TTC6: variants seen among roughly 807,000 people sequenced by gnomAD.
The protein encoded by TTC6 is tetratricopeptide repeat domain 6, also known as tetratricopeptide repeat protein 6.
A neutral mutation model predicts 210.4 loss-of-function variants in TTC6; 172 were observed. That is an observed-to-expected ratio of 0.82 (90% CI 0.72 to 0.93). TTC6 has a LOEUF of 0.93. Ranked by LOEUF, TTC6 falls within the 40% of genes least tolerant of loss-of-function variation. The pLI is 0.00. For synonymous variants in TTC6, 804 were observed against 819.6 expected (o/e 0.98, Z 0.32); for missense variants, 2,414 against 2,318.1 (o/e 1.04, Z -0.85).
intron 1 of TTC6, among the ~76,000 whole-genome samples, chr14:37,635,994 A>G (rs1003900764): frequency 3.3e-5 from 5 of 150,632 alleles, no homozygotes; most frequent in Admixed American, 1.3e-4. Context: ...AAAAAAAAAA[A>G]AAAAAAGAAA....
intron 29 of TTC6, among the ~76,000 whole-genome samples, chr14:37,831,389 A>T (rs2096184728): frequency 6.6e-6 from 1 of 152,222 alleles, no homozygotes; most frequent in East Asian, 1.9e-4. Context: ...CAAACCTGGG[A>T]GTGCAAATAT....
At chr14:37,638,351 T>C (rs1476443315) in intron 1 of TTC6, among the ~76,000 whole-genome samples, 1 of 152,224 alleles carries the variant, frequency 6.6e-6, no homozygotes, top group African/African-American at 2.4e-5. Flanking sequence ...GCCTCCTGGG[T>C]TCACGAGGTT....
chr14:37,786,089 T>A (rs2415414), intron 14 of TTC6, among the ~76,000 whole-genome samples: 108,567 of 152,012 alleles, frequency 0.71, 40,792 homozygotes, highest in Non-Finnish European at 0.84. Flanking sequence ...TCACTTGAGG[T>A]GGCAGTCTGT....
chr14:37,785,925 A>G (rs1595262183), intron 14 of TTC6, among the ~76,000 whole-genome samples: 1 of 152,258 alleles, frequency 6.6e-6, no homozygotes, highest in East Asian at 1.9e-4. Context: ...TCACCAGTGG[A>G]GGCTGCAGAA....
At chr14:37,753,298 CAG>C (rs1414362170) in intron 14 of TTC6, 63 bp downstream of exon 16, 41 of 1,356,640 alleles carry the variant, frequency 3.0e-5, no homozygotes, top group Non-Finnish European at 3.7e-5. Context: ...ATTTTCAGAA[CAG>C]AAAATTGCTT....
In TTC6 at chr14:37,736,278, T is replaced by G. The variant is rs538821363; in HGVS notation, c.1908+268T>G. 6.6e-5 allele frequency among the ~76,000 whole-genome samples: 10 copies of G among 152,168 alleles called. No individual in the cohort carries two copies. The South Asian group carries it at 1.7e-3, about 25-fold the overall frequency. ...TGGCACGTGCCTGTATCTCAGCTAC[T>G]TAGGGGGCTGAGGTGGGAGGATGGT... On this transcript the variant is annotated intron_variant, in intron 8 of 30. Coordinates refer to ENST00000553443, the Ensembl canonical transcript of TTC6.
chr14:37,698,060 C>G lies in TTC6; in HGVS notation c.1376+1225C>G, dbSNP rs142203339. On this transcript the variant is annotated intron_variant, in intron 4 of 30. Transcript: ENST00000553443. ...ATATATATATATTACTGCTTTAATTCATTAAAACAAAAATTAGAAATTTTC... is the reference window on the plus strand; with the variant it reads ...ATATATATATATTACTGCTTTAATTGATTAAAACAAAAATTAGAAATTTTC... 1.8e-3 allele frequency among the ~76,000 whole-genome samples: 275 copies of G among 151,978 alleles called. 1 individual carries two copies. The highest frequency in any genetic ancestry group is 6.3e-3 in the African/African-American group (263 of 41,450).
At chr14:37,831,053 A>C (rs2096183728) in intron 29 of TTC6, among the ~76,000 whole-genome samples, 1 of 151,996 alleles carries the variant, frequency 6.6e-6, no homozygotes, top group Admixed American at 6.6e-5. Flanking sequence ...TTTTGTTCCC[A>C]TTAGCCAACC....
chr14:37,733,256 C>A (rs529189546), intron 7 of TTC6, among the ~76,000 whole-genome samples: 1 of 152,176 alleles, frequency 6.6e-6, no homozygotes, highest in South Asian at 2.1e-4. Flanking sequence ...ACTAAATTTT[C>A]ATTTTATGTA....
At chr14:37,724,838 G>A (rs1026033136) in intron 6 of TTC6, 60 bp from the exon 9 acceptor site, 4 of 1,009,380 alleles carry the variant, frequency 4.0e-6, no homozygotes, top group Non-Finnish European at 5.5e-6. Context: ...AGGAGATTGA[G>A]TTTTTACTCT....
At chr14:37,812,709 G>T (rs1230104595) in intron 25 of TTC6, among the ~76,000 whole-genome samples, 1 of 152,194 alleles carries the variant, frequency 6.6e-6, no homozygotes, top group Non-Finnish European at 1.5e-5. Context: ...CAAAACTCAA[G>T]TTACTTAGTA....
At chr14:37,781,853 A>G (rs2096055739) in intron 14 of TTC6, among the ~76,000 whole-genome samples, 1 of 152,172 alleles carries the variant, frequency 6.6e-6, no homozygotes, top group Non-Finnish European at 1.5e-5. Context: ...ATGGCTAGCC[A>G]GTTTTCCCAG....
intron 1 of TTC6, among the ~76,000 whole-genome samples, chr14:37,601,582 C>A (rs888666625): frequency 6.6e-6 from 1 of 152,084 alleles, no homozygotes; most frequent in Non-Finnish European, 1.5e-5. Context: ...ATGAATGGGC[C>A]GATGGACTGA....
chr14:37,792,398 C>T (rs767829360), exon 17 of TTC6: 15 of 1,504,704 alleles, frequency 1.0e-5, no homozygotes, highest in Middle Eastern at 1.7e-4. Flanking sequence ...CTTTGTCGGG[C>T]GGAAACCTAT....
intron 1 of TTC6, among the ~76,000 whole-genome samples, chr14:37,626,648 T>C (rs1174169365): frequency 1.3e-5 from 2 of 152,058 alleles, no homozygotes; most frequent in African/African-American, 4.8e-5. Flanking sequence ...AATGAACTGG[T>C]GGTGAATTCT....
At position 37,774,291 on chromosome 14, in the gene TTC6, A is replaced by G. The variant is rs991167114; in HGVS notation, c.3267-13177A>G. 1.5e-4 allele frequency among the ~76,000 whole-genome samples: 23 copies of G among 152,116 alleles called. 1 individual carries two copies. The highest frequency in any genetic ancestry group is 1.4e-3 in the Admixed American group (21 of 15,268). ...GATTACTGTGGCCAGGACTTCCAGT[A>G]CTATGGTCAATAGGAGTGGTGAGAG... On this transcript the variant is annotated intron_variant, in intron 14 of 30. Transcript: ENST00000553443.
intron 6 of TTC6, among the ~76,000 whole-genome samples, chr14:37,716,504 A>T (rs2095852991): frequency 1.3e-5 from 2 of 152,110 alleles, no homozygotes; most frequent in South Asian, 4.1e-4. Flanking sequence ...ATACACAAAC[A>T]CCATTCAAAG....
At chr14:37,731,503 C>A (rs1436748703) in intron 7 of TTC6, among the ~76,000 whole-genome samples, 1 of 152,176 alleles carries the variant, frequency 6.6e-6, no homozygotes, top group African/African-American at 2.4e-5. Flanking sequence ...ACATTTTGCT[C>A]AACCTCAGCT....
intron 1 of TTC6, among the ~76,000 whole-genome samples, chr14:37,627,374 T>C (rs2095662112): frequency 6.6e-6 from 1 of 152,246 alleles, no homozygotes; most frequent in Admixed American, 6.5e-5. Context: ...TACATAGATA[T>C]AGAAGTGTCA....
Sources: allele counts gnomAD v4.1 joint callset (sites outside exome capture counted in the v4.1 genomes callset), GRCh38; gene constraint gnomAD v4.1.1; transcripts MANE v1.5; gene names NCBI Gene and HGNC (gene_info 2026-07-23, HGNC 2026-07-21).